WDR19: variants seen among roughly 807,000 people sequenced by gnomAD.
The protein encoded by WDR19 is WD repeat-containing protein 19.
In WDR19, 121 loss-of-function variants were observed where a neutral mutation model predicts 180.0. That is an observed-to-expected ratio of 0.67 (90% CI 0.58 to 0.78). WDR19 has a LOEUF of 0.78. Ranked by LOEUF, WDR19 falls within the 30% of genes least tolerant of loss-of-function variation. The pLI is 0.00. For synonymous variants in WDR19, 497 were observed against 540.7 expected (o/e 0.92, Z 1.12); for missense variants, 1,450 against 1,640.7 (o/e 0.88, Z 2.01).
intron 36 of WDR19, among the ~76,000 whole-genome samples, chr4:39,282,873 T>C (rs1377681482): frequency 6.6e-6 from 1 of 152,248 alleles, no homozygotes; most frequent in Non-Finnish European, 1.5e-5. Flanking sequence ...CTTTCTAAAT[T>C]GACTTATGTC....
chr4:39,258,115 T>C (rs926934754), intron 28 of WDR19, among the ~76,000 whole-genome samples: 3 of 152,202 alleles, frequency 2.0e-5, no homozygotes, highest in African/African-American at 4.8e-5. Context: ...GCATTATGTA[T>C]GCAAATGTGT....
intron 31 of WDR19, 36 bp from the exon 32 acceptor site, chr4:39,272,944 G>A (rs1330375389): frequency 1.3e-6 from 2 of 1,508,500 alleles, no homozygotes; most frequent in Non-Finnish European, 1.8e-6. Context: ...GCTAATCAAT[G>A]ACTATAAGAA....
rs192592383 is a variant in WDR19 at position 39,205,094 on chromosome 4, A to G, written c.604-60A>G. Reference sequence around the variant, plus strand: ...TAGGTTCAGCTGTTGGATTTGCTTAATGGTCTTTTCATGAAGTACTAAGTA... The same window carrying G: ...TAGGTTCAGCTGTTGGATTTGCTTAGTGGTCTTTTCATGAAGTACTAAGTA... On this transcript the variant is annotated intron_variant, in intron 7 of 36. Coordinates refer to ENST00000399820, the MANE Select transcript of WDR19 (RefSeq NM_025132.4). 1.6e-4 allele frequency: 197 copies of G among 1,237,290 alleles called. No individual in the cohort carries two copies. In the African/African-American group the frequency reaches 1.7e-3, roughly 11 times the overall value. The allele number at this position is 1,237,290 out of a possible 1,614,324, so 76.6% of individuals were successfully genotyped here. A position where few individuals can be genotyped will look rare whatever the true frequency, so the allele number is the denominator to read the frequency against.
At chr4:39,223,890 C>A (rs1434394436) in intron 14 of WDR19, among the ~76,000 whole-genome samples, 4 of 152,096 alleles carry the variant, frequency 2.6e-5, no homozygotes, top group African/African-American at 9.7e-5. Flanking sequence ...ACAAAAAAAT[C>A]TTGTTGAAAT....
chr4:39,253,466 T>C (rs183504289), intron 25 of WDR19, among the ~76,000 whole-genome samples, 174 bp downstream of exon 25: 12 of 152,302 alleles, frequency 7.9e-5, no homozygotes, highest in African/African-American at 2.9e-4. Flanking sequence ...AGTATGTCTT[T>C]CAAGTGTAAG....
In WDR19 at chr4:39,256,473, A is replaced by G. The variant is rs544074510; in HGVS notation, c.3114+513A>G. ...GAAGCCAGCTGTTTCTCACCTCCAT[A>G]AAGTTGTTGTCATTTAGGAATCCAG... On this transcript the variant is annotated intron_variant, in intron 27 of 36. Transcript: ENST00000399820. Among the ~76,000 whole-genome samples, 4 of 152,296 alleles carry G rather than the reference A, an allele frequency of 2.6e-5. No homozygotes were observed. In the East Asian group the frequency reaches 7.7e-4, roughly 29 times the overall value.
intron 26 of WDR19, among the ~76,000 whole-genome samples, chr4:39,255,332 G>C (rs536176032): frequency 2.0e-5 from 3 of 152,218 alleles, no homozygotes; most frequent in African/African-American, 7.2e-5. Context: ...CCTCCAGCTG[G>C]AGGCGCAGCA....
chr4:39,253,089 A>G, intron 24 of WDR19, 57 bp from the exon 25 acceptor site: 1 of 1,503,588 alleles, frequency 6.7e-7, no homozygotes, highest in Non-Finnish European at 8.9e-7. Context: ...ATTTATCAAC[A>G]TTTTCTCCCC....
intron 36 of WDR19, among the ~76,000 whole-genome samples, chr4:39,285,075 A>G (rs1308900994): frequency 8.9e-6 from 1 of 111,954 alleles, no homozygotes; most frequent in South Asian, 2.5e-4. Context: ...AGGAAAAAAA[A>G]AAAGACACAC....
intron 19 of WDR19, among the ~76,000 whole-genome samples, chr4:39,233,650 C>A (rs534474669): frequency 2.0e-4 from 31 of 152,078 alleles, no homozygotes; most frequent in Non-Finnish European, 3.5e-4. Context: ...CATTCTATAG[C>A]AAATTTTCAT....
At position 39,194,642 on chromosome 4, in the gene WDR19, G is replaced by A. The variant is rs747065633; in HGVS notation, c.389G>A (p.Arg130Gln). ...NLLIYNHQTS[R>Q]KIPVLGKHTK... ...CTTATTTATAATCATCAGACATCTC[G>A]AAAGATTCCTGTCCTTGGTAGGTGA... Residue 130 changes from arginine to glutamine, a missense_variant, in exon 5 of 37, where the codon CGA becomes CAA. Coordinates refer to ENST00000399820, the MANE Select transcript of WDR19 (RefSeq NM_025132.4). The A allele has an allele frequency of 1.9e-5, 31 of 1,609,992 alleles. No individual in the cohort carries two copies. Among genetic ancestry groups the A allele is most frequent in the South Asian group, 7.7e-5 (7 of 90,484 alleles).
chr4:39,204,485 T>C (rs1560489174), intron 7 of WDR19, among the ~76,000 whole-genome samples: 1 of 152,256 alleles, frequency 6.6e-6, no homozygotes, highest in Non-Finnish European at 1.5e-5. Flanking sequence ...ATATATTTAA[T>C]AAAGTAGTAG....
intron 14 of WDR19, 25 bp from the exon 15 acceptor site, chr4:39,224,859 T>C (rs1327517961): frequency 1.3e-6 from 2 of 1,485,518 alleles, no homozygotes; most frequent in Admixed American, 5.3e-5. Flanking sequence ...TATATTTTCA[T>C]GGCTGGATTT....
At chr4:39,281,896 A>G (rs778904170) in intron 36 of WDR19, among the ~76,000 whole-genome samples, 10 of 152,154 alleles carry the variant, frequency 6.6e-5, no homozygotes, top group Non-Finnish European at 1.5e-4. Context: ...TTATGGTCAG[A>G]GGACTGAAGC....
chr4:39,214,689 G>A lies in WDR19; in HGVS notation c.961+18G>A. 2 of 1,472,738 alleles carry A rather than the reference G, an allele frequency of 1.4e-6. No homozygotes were observed. Among genetic ancestry groups the A allele is most frequent in the East Asian group, 2.3e-5 (1 of 43,968 alleles). 91.2% of individuals were successfully genotyped at this position (1,472,738 alleles called of 1,614,324 possible). ...AAATAAAGGTATTGATTTTTCTGAA[G>A]CAGATTGACATTTTATCATTCCAGT... On this transcript the variant is annotated intron_variant, in intron 10 of 36. Transcript: ENST00000399820.
intron 3 of WDR19, 32 bp from the exon 4 acceptor site, chr4:39,189,624 G>A (rs1725936872): frequency 1.9e-6 from 3 of 1,543,946 alleles, no homozygotes; most frequent in African/African-American, 2.8e-5. Context: ...TTAAAAAACT[G>A]TATAGTGGTA....
chr4:39,237,192 A>G (rs761768937), intron 20 of WDR19, among the ~76,000 whole-genome samples: 2 of 152,210 alleles, frequency 1.3e-5, no homozygotes, highest in African/African-American at 4.8e-5. Flanking sequence ...ATTCTACTTT[A>G]CTGTCATAGA....
intron 17 of WDR19, among the ~76,000 whole-genome samples, chr4:39,231,039 C>T (rs1446356747): frequency 1.3e-5 from 2 of 151,498 alleles, no homozygotes; most frequent in East Asian, 2.0e-4. Context: ...GGGCCGGGGA[C>T]GGTGGCTCAC....
intron 24 of WDR19, among the ~76,000 whole-genome samples, chr4:39,245,736 T>C (rs1258516168): frequency 1.3e-5 from 2 of 152,230 alleles, no homozygotes; most frequent in East Asian, 3.8e-4. Flanking sequence ...AAAGTGATTG[T>C]TATTTTATTA....
Sources: allele counts gnomAD v4.1 joint callset (sites outside exome capture counted in the v4.1 genomes callset), GRCh38; gene constraint gnomAD v4.1.1; transcripts MANE v1.5; gene names NCBI Gene and HGNC (gene_info 2026-07-23, HGNC 2026-07-21).